GUCY1A2: variants seen among roughly 807,000 people sequenced by gnomAD.
The protein encoded by GUCY1A2 is guanylate cyclase 1 soluble subunit alpha 2.
A neutral mutation model predicts 63.5 loss-of-function variants in GUCY1A2; 27 were observed. The observed-to-expected ratio is 0.43, with a 90% confidence interval of 0.31 to 0.59. The LOEUF (loss-of-function observed/expected upper bound fraction) is 0.59, where lower values mean the gene tolerates loss of function less well. GUCY1A2 is among the 20% of genes least tolerant of loss of function. GUCY1A2 has a pLI of 0.11. For missense variants in GUCY1A2, 768 were observed against 913.3 expected (o/e 0.84, Z 2.05); for synonymous variants, 364 against 343.5 (o/e 1.06, Z -0.66).
chr11:107,016,219 T>C (rs1861821515), intron 1 of GUCY1A2, among the ~76,000 whole-genome samples: 1 of 152,182 alleles, frequency 6.6e-6, no homozygotes, highest in Admixed American at 6.5e-5. Flanking sequence ...AGTGTTCAGA[T>C]TCATTTCGGA....
intron 4 of GUCY1A2, among the ~76,000 whole-genome samples, chr11:106,910,195 T>C (rs1029555013): frequency 2.6e-5 from 4 of 151,966 alleles, no homozygotes; most frequent in Non-Finnish European, 5.9e-5. Flanking sequence ...GTAAATAATG[T>C]TTTCACGTAC....
At chr11:106,800,778 A>G (rs1421899098) in intron 5 of GUCY1A2, among the ~76,000 whole-genome samples, 2 of 152,030 alleles carry the variant, frequency 1.3e-5, no homozygotes, top group Admixed American at 6.6e-5. Context: ...TAGGAGATAT[A>G]CCTAATGAAA....
Position 106,810,336 on chromosome 11 carries a change from C to T in GUCY1A2, c.1349G>A (p.Arg450Gln), listed in dbSNP as rs777255899. Residue 450 changes from arginine to glutamine, a missense_variant, in exon 5 of 8, where the codon CGA (arginine) becomes CAA (glutamine). Arg to Gln is a conservative substitution (Grantham distance 43). This residue lies in a region of GUCY1A2 where 122 missense variants were observed against 238.1 expected (regional missense o/e 0.51). Coordinates refer to ENST00000526355, the MANE Select transcript of GUCY1A2 (RefSeq NM_000855.3). The stretch of plus-strand genomic sequence containing the variant: ...CTGCTCACCAACCAAAATGACATCT[C>T]GGGTGGCATCATGGATAGGGATGTC... ...LSDIPIHDAT[R>Q]DVILVGEQAK... 1.9e-6 allele frequency: 3 copies of T among 1,613,758 alleles called. No homozygotes were observed. Among genetic ancestry groups the T allele is most frequent in the East Asian group, 2.2e-5 (1 of 44,872 alleles).
chr11:106,954,825 C>T (rs1441173398), intron 3 of GUCY1A2, among the ~76,000 whole-genome samples: 1 of 152,088 alleles, frequency 6.6e-6, no homozygotes, highest in African/African-American at 2.4e-5. Flanking sequence ...ATTGCAACCC[C>T]TGCTTTCTTG....
intron 6 of GUCY1A2, among the ~76,000 whole-genome samples, chr11:106,756,621 G>T (rs997609234): frequency 3.9e-5 from 6 of 152,134 alleles, no homozygotes; most frequent in Non-Finnish European, 8.8e-5. Context: ...AGTTTGGCTG[G>T]ATATGAAATT....
intron 4 of GUCY1A2, among the ~76,000 whole-genome samples, chr11:106,906,844 C>T (rs1373012832): frequency 6.7e-6 from 1 of 150,306 alleles, no homozygotes; most frequent in East Asian, 2.2e-4. Flanking sequence ...AACAGAAAAC[C>T]AAACACCACA....
chr11:106,756,753 G>A (rs992577932), intron 6 of GUCY1A2, among the ~76,000 whole-genome samples: 3 of 152,104 alleles, frequency 2.0e-5, no homozygotes, highest in African/African-American at 4.8e-5. Flanking sequence ...TGGGTAACCC[G>A]ACCTTTCTCT....
chr11:106,875,415 G>C (rs1450389107), intron 4 of GUCY1A2, among the ~76,000 whole-genome samples: 2 of 152,052 alleles, frequency 1.3e-5, no homozygotes, highest in Non-Finnish European at 2.9e-5. Flanking sequence ...AAATAATGAA[G>C]AAAATATACT....
chr11:106,900,936 T>C (rs1030282302), intron 4 of GUCY1A2, among the ~76,000 whole-genome samples: 2 of 152,228 alleles, frequency 1.3e-5, no homozygotes, highest in Non-Finnish European at 1.5e-5. Flanking sequence ...CAGAGGGTTG[T>C]TGCTGAAGGT....
intron 4 of GUCY1A2, among the ~76,000 whole-genome samples, chr11:106,916,158 C>A (rs1245543929): frequency 6.9e-6 from 1 of 145,516 alleles, no homozygotes; most frequent in African/African-American, 2.4e-5. Flanking sequence ...ATTTAGTTGA[C>A]AATTTAGTCA....
chr11:106,855,905 A>C (rs200475959), intron 4 of GUCY1A2, among the ~76,000 whole-genome samples: 24,168 of 88,620 alleles, frequency 0.27, 2,045 homozygotes, highest in African/African-American at 0.36. Context: ...TTATTTATTT[A>C]TTTATTTATT....
intron 4 of GUCY1A2, 66 bp downstream of exon 4, chr11:106,939,394 G>T: frequency 1.2e-6 from 1 of 812,778 alleles, no homozygotes; most frequent in Non-Finnish European, 2.0e-6. Context: ...CAGCCACCAT[G>T]TAATTTACTG....
intron 4 of GUCY1A2, among the ~76,000 whole-genome samples, chr11:106,905,145 C>T (rs1261722228): frequency 2.6e-5 from 4 of 152,064 alleles, no homozygotes; most frequent in Admixed American, 2.6e-4. Flanking sequence ...TGGAAAGATA[C>T]AACCAATGGA....
intron 7 of GUCY1A2, among the ~76,000 whole-genome samples, chr11:106,696,291 G>A (rs10789536): frequency 0.52 from 78,519 of 151,996 alleles, 22,247 homozygotes; most frequent in African/African-American, 0.76. Context: ...GCAAAAGTTT[G>A]ATATGTCTAT....
intron 4 of GUCY1A2, among the ~76,000 whole-genome samples, chr11:106,911,705 T>C (rs779842608): frequency 8.5e-5 from 13 of 152,114 alleles, no homozygotes; most frequent in Non-Finnish European, 1.8e-4. Context: ...CTTATTTTTG[T>C]GTGTGCACAA....
chr11:106,736,022 C>G (rs1187789324), intron 6 of GUCY1A2, among the ~76,000 whole-genome samples: 3 of 151,928 alleles, frequency 2.0e-5, no homozygotes, highest in African/African-American at 7.2e-5. Flanking sequence ...CCTACATATT[C>G]TGGTTTTTAA....
At chr11:106,940,694 G>C (rs1430529305) in intron 3 of GUCY1A2, among the ~76,000 whole-genome samples, 1 of 152,084 alleles carries the variant, frequency 6.6e-6, no homozygotes, top group Non-Finnish European at 1.5e-5. Flanking sequence ...ATATCACTTA[G>C]AGCATTTTCA....
At chr11:106,739,288 T>C (rs1219438279) in intron 6 of GUCY1A2, among the ~76,000 whole-genome samples, 6 of 152,210 alleles carry the variant, frequency 3.9e-5, no homozygotes, top group Admixed American at 3.9e-4. Context: ...TAAGAAGATT[T>C]TGGGCCGAGA....
intron 6 of GUCY1A2, among the ~76,000 whole-genome samples, chr11:106,745,495 T>C (rs1863772202): frequency 6.6e-6 from 1 of 152,250 alleles, no homozygotes; most frequent in Admixed American, 6.5e-5. Flanking sequence ...TAATTACCAT[T>C]TGTTGCCACA....
Sources: allele counts gnomAD v4.1 joint callset (sites outside exome capture counted in the v4.1 genomes callset), GRCh38; gene constraint gnomAD v4.1.1; regional missense constraint gnomAD v4.1.1; transcripts MANE v1.5; gene names NCBI Gene and HGNC (gene_info 2026-07-23, HGNC 2026-07-21).